The following LRRC18 variants were observed in gnomAD, a reference collection of about 807,000 sequenced individuals.
LRRC18 encodes leucine-rich repeat-containing protein 18.
Under a neutral mutation model 11.2 loss-of-function variants are expected in LRRC18, and 12 were observed. The observed-to-expected ratio is 1.07, with a 90% CI of 0.69 to 1.74. The LOEUF is 1.74. LRRC18 is among the 40% of genes most tolerant of loss of function. LRRC18 has a pLI of 0.00. For synonymous variants in LRRC18, 155 were observed against 130.6 expected (o/e 1.19, Z -1.27); for missense variants, 374 against 330.5 (o/e 1.13, Z -1.02).
the LRRC18 span, chr10:48,935,045 T>A: frequency 1.8e-4 from 27 of 152,110 alleles, no homozygotes; most frequent in Admixed American, 1.4e-3. Flanking sequence ...TAAAGCATAC[T>A]GGGAAAACAG....
At chr10:48,938,330 C>G in the LRRC18 span, among the ~76,000 whole-genome samples, 2 of 152,240 alleles carry the variant, frequency 1.3e-5, no homozygotes, top group African/African-American at 2.4e-5. Flanking sequence ...CCTCCTAGTG[C>G]CAGGTGAAGA....
At chr10:48,920,753 G>C in the LRRC18 span, among the ~76,000 whole-genome samples, 5 of 152,180 alleles carry the variant, frequency 3.3e-5, no homozygotes, top group Non-Finnish European at 5.9e-5. Flanking sequence ...TGTCCACATA[G>C]AGAATCCCAC....
the LRRC18 span, among the ~76,000 whole-genome samples, chr10:48,928,935 A>C: frequency 6.6e-6 from 1 of 152,202 alleles, no homozygotes; most frequent in Non-Finnish European, 1.5e-5. Flanking sequence ...AGCAAAGAAA[A>C]TGAAGGTCCC....
At chr10:48,909,557 G>A (rs1039056634) in exon 2 of LRRC18, 1 of 152,166 alleles carries the variant, frequency 6.6e-6, no homozygotes, top group Non-Finnish European at 1.5e-5. Context: ...CTTCTGGTGA[G>A]GGCTTTGGGG....
the LRRC18 span, among the ~76,000 whole-genome samples, chr10:48,924,746 A>G: frequency 6.6e-6 from 1 of 152,238 alleles, no homozygotes; most frequent in East Asian, 1.9e-4. Flanking sequence ...CTAAATTAAA[A>G]AAGTAATGGC....
At chr10:48,910,998 A>G in intron 1 of LRRC18, 1 of 718,294 alleles carries the variant, frequency 1.4e-6, no homozygotes, top group Non-Finnish European at 1.7e-6. Context: ...GAGAAATTGA[A>G]ATGGAAAGTC....
chr10:48,914,206 A>G (rs1286121703), exon 1 of LRRC18: 2 of 1,556,470 alleles, frequency 1.3e-6, no homozygotes, highest in East Asian at 2.3e-5. Flanking sequence ...TTGGATAGTG[A>G]TCAGTGTGAG....
chr10:48,932,362 C>T, the LRRC18 span: 2 of 152,272 alleles, frequency 1.3e-5, no homozygotes, highest in East Asian at 3.9e-4. Flanking sequence ...TTTGCTGATT[C>T]CCAAATACAA....
At chr10:48,938,872 G>T in the LRRC18 span, among the ~76,000 whole-genome samples, 3 of 152,170 alleles carry the variant, frequency 2.0e-5, no homozygotes, top group Non-Finnish European at 4.4e-5. Flanking sequence ...ACCTGTCCTG[G>T]GTGGGAAGGG....
chr10:48,916,871 A>ATGTGTGTGTG (rs55891907), upstream of LRRC18, among the ~76,000 whole-genome samples: 9 of 149,286 alleles, frequency 6.0e-5, no homozygotes, highest in African/African-American at 2.0e-4. Flanking sequence ...CTTTAAAAAT[A>ATGTGTGTGTG]TGTGTGTGTG....
chr10:48,934,772 C>T, the LRRC18 span, among the ~76,000 whole-genome samples: 4 of 152,130 alleles, frequency 2.6e-5, no homozygotes, highest in African/African-American at 4.8e-5. Flanking sequence ...GGTGACTGGT[C>T]GGGTGAAAGC....
the LRRC18 span, among the ~76,000 whole-genome samples, chr10:48,922,095 C>G: frequency 6.6e-6 from 1 of 152,186 alleles, no homozygotes; most frequent in Non-Finnish European, 1.5e-5. Flanking sequence ...ATTCCTAATA[C>G]TGTACAGTAG....
At chr10:48,933,669 T>C in the LRRC18 span, among the ~76,000 whole-genome samples, 3 of 152,192 alleles carry the variant, frequency 2.0e-5, no homozygotes, top group Non-Finnish European at 4.4e-5. Flanking sequence ...TGAGTTCCAT[T>C]ATATGATACT....
chr10:48,927,099 T>C, the LRRC18 span, among the ~76,000 whole-genome samples: 4 of 152,328 alleles, frequency 2.6e-5, no homozygotes, highest in South Asian at 8.3e-4. Flanking sequence ...GGCGGCTGTA[T>C]GCAGACTGCC....
chr10:48,916,909 G>A (rs984218473), upstream of LRRC18, among the ~76,000 whole-genome samples: 1 of 140,198 alleles, frequency 7.1e-6, no homozygotes, highest in Admixed American at 7.3e-5. Flanking sequence ...GTGTGTGTGT[G>A]TACAACCATG....
the LRRC18 span, among the ~76,000 whole-genome samples, chr10:48,920,296 C>T: frequency 6.9e-6 from 1 of 143,916 alleles, no homozygotes; most frequent in Non-Finnish European, 1.5e-5. Context: ...TGTTCTCACT[C>T]ATAGGTGGGA....
upstream of LRRC18, among the ~76,000 whole-genome samples, chr10:48,917,746 A>G (rs1838682867): frequency 6.6e-6 from 1 of 152,238 alleles, no homozygotes; most frequent in South Asian, 2.1e-4. Context: ...GAAGTTCTTC[A>G]GGTGAAAGGG....
At chr10:48,914,395 CTG>C (rs1838307513), upstream of LRRC18, among the ~76,000 whole-genome samples, 1 of 152,308 alleles carries the variant, frequency 6.6e-6, no homozygotes, top group African/African-American at 2.4e-5. Flanking sequence ...TGTCAGCAAA[CTG>C]TGTGACTTCT....
upstream of LRRC18, among the ~76,000 whole-genome samples, chr10:48,915,674 C>G (rs1468631107): frequency 6.6e-6 from 1 of 152,178 alleles, no homozygotes; most frequent in East Asian, 1.9e-4. Flanking sequence ...CTGTCTCACA[C>G]CTACTGAAAA....
Sources: allele counts gnomAD v4.1 joint callset (sites outside exome capture counted in the v4.1 genomes callset), GRCh38; gene constraint gnomAD v4.1.1; transcripts MANE v1.5; gene names NCBI Gene and HGNC (gene_info 2026-07-23, HGNC 2026-07-21).